Variants in ME3 observed in about 807,000 individuals in gnomAD.
ME3 encodes the protein malic enzyme 3, also known as NADP-dependent malic enzyme, mitochondrial.
Under a neutral mutation model 68.9 loss-of-function variants are expected in ME3, and 48 were observed. The ratio of observed to expected loss-of-function variants is 0.70; its 90% CI spans 0.55 to 0.89. ME3 has a LOEUF of 0.89. Among genes scored for constraint, ME3 ranks in the 40% least tolerant of loss-of-function variants. ME3 has a pLI of 0.00. For missense variants in ME3, 675 were observed against 797.4 expected, an observed-to-expected ratio of 0.85 and a Z score of 1.85; for synonymous variants, 320 against 318.8, an observed-to-expected ratio of 1.00 and a Z score of -0.04.
chr11:86,473,479 G>A (rs1594094761), intron 7 of ME3, among the ~76,000 whole-genome samples: 1 of 152,092 alleles, frequency 6.6e-6, no homozygotes, highest in Non-Finnish European at 1.5e-5. Flanking sequence ...GGGACTGAAC[G>A]GTGAATTTGT....
intron 2 of ME3, among the ~76,000 whole-genome samples, chr11:86,590,815 C>T (rs1959009254): frequency 6.6e-6 from 1 of 152,210 alleles, no homozygotes; most frequent in Admixed American, 6.5e-5. Context: ...TGGCAAAGGA[C>T]ATCAAGCAGG....
chr11:86,649,570 G>A (rs672280), intron 2 of ME3, among the ~76,000 whole-genome samples: 150,146 of 152,348 alleles, frequency 0.99, 74,016 homozygotes, highest in Non-Finnish European at 1. Context: ...AAACACCATC[G>A]TCTCAACCCA....
chr11:86,488,901 T>A (rs115556698), intron 6 of ME3, among the ~76,000 whole-genome samples: 3,751 of 152,084 alleles, frequency 0.025, 57 homozygotes, highest in Non-Finnish European at 0.032. Flanking sequence ...GTGAAGAAAT[T>A]CCCTTTGGGG....
chr11:86,670,676 T>C (rs1354755513), intron 2 of ME3, among the ~76,000 whole-genome samples: 1 of 152,212 alleles, frequency 6.6e-6, no homozygotes, highest in Non-Finnish European at 1.5e-5. Flanking sequence ...CTTCACATTA[T>C]ATAGTTGTTC....
intron 2 of ME3, among the ~76,000 whole-genome samples, chr11:86,658,059 G>A (rs553000438): frequency 6.6e-6 from 1 of 152,232 alleles, no homozygotes; most frequent in Non-Finnish European, 1.5e-5. Flanking sequence ...CATATATGAG[G>A]CGGTCTTTAA....
At chr11:86,555,979 A>G (rs1174128812) in intron 4 of ME3, among the ~76,000 whole-genome samples, 2 of 152,112 alleles carry the variant, frequency 1.3e-5, no homozygotes, top group Admixed American at 6.5e-5. Flanking sequence ...TTTTTAAAAC[A>G]TATATTCTGA....
chr11:86,590,245 T>A (rs996130202), intron 2 of ME3, among the ~76,000 whole-genome samples: 1 of 152,138 alleles, frequency 6.6e-6, no homozygotes, highest in Non-Finnish European at 1.5e-5. Context: ...GTTGCACCTA[T>A]CTACTCAGCA....
intron 3 of ME3, among the ~76,000 whole-genome samples, chr11:86,558,654 A>G (rs1422851886): frequency 6.6e-6 from 1 of 152,166 alleles, no homozygotes; most frequent in African/African-American, 2.4e-5. Flanking sequence ...GCCAAGTTCT[A>G]TAGTTTGTTT....
intron 2 of ME3, among the ~76,000 whole-genome samples, chr11:86,621,808 T>C (rs1943366989): frequency 6.6e-6 from 1 of 151,948 alleles, no homozygotes; most frequent in Admixed American, 6.6e-5. Context: ...TCTGAGGAGA[T>C]TTGAAATAAA....
At chr11:86,563,656 C>A (rs2139494919) in intron 2 of ME3, among the ~76,000 whole-genome samples, 1 of 152,196 alleles carries the variant, frequency 6.6e-6, no homozygotes, top group East Asian at 1.9e-4. Context: ...CAGTTTTAAT[C>A]TTTTGCATAT....
At chr11:86,487,499 T>C (rs908573425) in intron 6 of ME3, 59 bp from the exon 7 acceptor site, 9 of 1,347,698 alleles carry the variant, frequency 6.7e-6, no homozygotes, top group South Asian at 2.5e-5. Context: ...TTTTTTTTTT[T>C]CCAACAAGTA....
intron 2 of ME3, among the ~76,000 whole-genome samples, chr11:86,652,032 G>C (rs4944620): frequency 0.2 from 30,531 of 152,108 alleles, 3,916 homozygotes; most frequent in East Asian, 0.56. Flanking sequence ...AGCAAGAAGA[G>C]AAGTTTAGAG....
intron 6 of ME3, among the ~76,000 whole-genome samples, chr11:86,492,741 C>T (rs1046634770): frequency 1.3e-5 from 2 of 152,172 alleles, no homozygotes; most frequent in Admixed American, 6.5e-5. Flanking sequence ...CTCTGCCTCC[C>T]GTAAGGTTTT....
intron 2 of ME3, among the ~76,000 whole-genome samples, chr11:86,617,020 A>G (rs1943002618): frequency 7.1e-6 from 1 of 141,598 alleles, no homozygotes; most frequent in Admixed American, 7.3e-5. Flanking sequence ...ACTTTTCTGT[A>G]CATCTAAAAT....
At chr11:86,638,776 T>C (rs1049380794) in intron 2 of ME3, among the ~76,000 whole-genome samples, 12 of 152,204 alleles carry the variant, frequency 7.9e-5, no homozygotes, top group African/African-American at 2.4e-4. Context: ...TCAGGAAAGA[T>C]AGATCAAGTA....
intron 2 of ME3, among the ~76,000 whole-genome samples, chr11:86,658,791 A>G (rs1594811920): frequency 6.6e-6 from 1 of 152,246 alleles, no homozygotes; most frequent in Non-Finnish European, 1.5e-5. Flanking sequence ...CATGAGGAGA[A>G]GCTGCTGCCA....
At chr11:86,448,023 G>T (rs1949419659) in intron 11 of ME3, 127 bp downstream of exon 11, 1 of 648,900 alleles carries the variant, frequency 1.5e-6, no homozygotes, top group Non-Finnish European at 2.7e-6. Context: ...GCATTGAATT[G>T]CACATGGGAT....
At chr11:86,566,343 A>C (rs189188296) in intron 2 of ME3, among the ~76,000 whole-genome samples, 1 of 152,328 alleles carries the variant, frequency 6.6e-6, no homozygotes, top group African/African-American at 2.4e-5. Flanking sequence ...CGAGACCTCG[A>C]TTATGCTGTT....
At chr11:86,470,683 T>A (rs1034699428) in intron 7 of ME3, among the ~76,000 whole-genome samples, 1 of 152,232 alleles carries the variant, frequency 6.6e-6, no homozygotes, top group African/African-American at 2.4e-5. Flanking sequence ...GAACACACTT[T>A]GGGAGACATG....
Sources: gnomAD v4.1 joint callset for allele counts (sites outside exome capture counted in the v4.1 genomes callset) on GRCh38, gnomAD v4.1.1 for gene constraint, MANE v1.5 for transcripts, NCBI Gene and HGNC (gene_info 2026-07-23, HGNC 2026-07-21) for gene names.